The following PHIP variants were observed in gnomAD, a reference collection of about 807,000 sequenced individuals.
PHIP encodes PH-interacting protein.
Under a neutral mutation model 236.8 loss-of-function variants are expected in PHIP, and 54 were observed. The observed-to-expected ratio is 0.23, with a 90% CI of 0.18 to 0.29. PHIP has a LOEUF of 0.29. Ranked by LOEUF, PHIP falls within the 10% of genes least tolerant of loss-of-function variation. PHIP has a pLI of 1.00. For synonymous variants in PHIP, 756 were observed against 718.9 expected (o/e 1.05, Z -0.83); for missense variants, 1,370 against 2,190.8 (o/e 0.63, Z 7.48).
intron 24 of PHIP, among the ~76,000 whole-genome samples, chr6:78,974,804 T>G (rs1203698333): frequency 1.3e-5 from 2 of 150,544 alleles, no homozygotes; most frequent in Non-Finnish European, 3.0e-5. Context: ...ACACATACAC[T>G]CTCCCAAGAC....
intron 9 of PHIP, among the ~76,000 whole-genome samples, chr6:79,021,459 G>A (rs1562185541): frequency 6.6e-6 from 1 of 152,172 alleles, no homozygotes; most frequent in Non-Finnish European, 1.5e-5. Context: ...CAATAGTGAA[G>A]ATTTGGAAGG....
chr6:78,983,078 T>C lies in PHIP; in HGVS notation c.2577A>G (p.Ala859=). ...TCTTTGGTGGCTGCAGATTAATTCC[T>C]GCATCTGCTGTCCAGTCAGAGTAAT... ...SSDYSDWTAD[A]GINLQPPKKV... Residue 859 remains alanine (A), a synonymous_variant, in exon 23 of 40, where the codon GCA becomes GCG. Coordinates refer to ENST00000275034, the MANE Select transcript of PHIP (RefSeq NM_017934.7). The C allele has an allele frequency of 6.2e-7, 1 of 1,611,106 alleles. No homozygotes were observed. The highest frequency in any genetic ancestry group is 1.7e-5 in the Admixed American group (1 of 59,504).
At chr6:78,963,833 C>T (rs1472597653) in intron 29 of PHIP, among the ~76,000 whole-genome samples, 1 of 152,124 alleles carries the variant, frequency 6.6e-6, no homozygotes, top group African/African-American at 2.4e-5. Context: ...GGTAATTTTT[C>T]CTTTAGACTA....
At chr6:79,044,019 C>A (rs148879215) in intron 6 of PHIP, among the ~76,000 whole-genome samples, 17 of 152,000 alleles carry the variant, frequency 1.1e-4, no homozygotes, top group African/African-American at 2.2e-4. Context: ...TGAAGAATCT[C>A]AGTATTGCTT....
intron 6 of PHIP, among the ~76,000 whole-genome samples, chr6:79,059,625 A>ATATATATATATATATATATATATAT (rs1562216779): frequency 1.2e-4 from 7 of 58,188 alleles, no homozygotes; most frequent in Non-Finnish European, 2.4e-4. Flanking sequence ...ATATATATAT[A>ATATATATATATATATATATATATAT]AAAATGCCAA....
At chr6:78,972,753 C>G (rs377638341) in intron 24 of PHIP, among the ~76,000 whole-genome samples, 2 of 151,772 alleles carry the variant, frequency 1.3e-5, no homozygotes, top group Non-Finnish European at 2.9e-5. Context: ...GGAGCCGATG[C>G]GATGAACTGG....
intron 24 of PHIP, among the ~76,000 whole-genome samples, chr6:78,971,327 C>T (rs1767534006): frequency 6.6e-6 from 1 of 152,228 alleles, no homozygotes; most frequent in Non-Finnish European, 1.5e-5. Flanking sequence ...GCAGGGCATA[C>T]ATTTATCCAC....
At chr6:78,973,143 C>T (rs1246875941) in intron 24 of PHIP, among the ~76,000 whole-genome samples, 2 of 152,118 alleles carry the variant, frequency 1.3e-5, no homozygotes, top group East Asian at 1.9e-4. Flanking sequence ...TCGGGTTACG[C>T]TCAAAGGGAA....
At chr6:78,969,986 T>A in intron 26 of PHIP, 63 bp downstream of exon 26, 1 of 1,594,336 alleles carries the variant, frequency 6.3e-7, no homozygotes, top group South Asian at 1.1e-5. Flanking sequence ...TTCAAATGTA[T>A]CTGAATCTTG....
At position 79,009,171 on chromosome 6, in the gene PHIP, T is replaced by C. The variant is rs188411842; in HGVS notation, c.1525-5313A>G. Among the ~76,000 whole-genome samples the C allele has an allele frequency of 1.7e-4, 26 of 152,268 alleles. No individual in the cohort carries two copies. The East Asian group carries it at 4.1e-3, about 24-fold the overall frequency. ...ATAATTTACTAAAGCCCCCACAAGG[T>C]TCATAGGTATTTATGCCTATGAGAT... On this transcript the variant is annotated intron_variant, in intron 15 of 39. Coordinates refer to ENST00000275034, the MANE Select transcript of PHIP (RefSeq NM_017934.7).
chr6:79,037,710 A>G (rs1772010142), intron 7 of PHIP, among the ~76,000 whole-genome samples: 1 of 152,246 alleles, frequency 6.6e-6, no homozygotes. Context: ...AGTAGCAGAG[A>G]GGAACTTATC....
intron 6 of PHIP, among the ~76,000 whole-genome samples, chr6:79,050,696 G>T (rs190953576): frequency 6.6e-6 from 1 of 152,146 alleles, no homozygotes; most frequent in Admixed American, 6.5e-5. Context: ...TATCTAAAGA[G>T]ACTAGCTTAA....
intron 16 of PHIP, 123 bp from the exon 17 acceptor site, chr6:79,002,247 T>G: frequency 1.6e-6 from 1 of 607,860 alleles, no homozygotes; most frequent in South Asian, 2.2e-5. Flanking sequence ...TAAGCAACAA[T>G]TTTTAAAATA....
intron 18 of PHIP, 111 bp downstream of exon 18, chr6:78,998,143 A>G (rs1769747541): frequency 1.6e-5 from 12 of 741,044 alleles, no homozygotes; most frequent in Non-Finnish European, 2.2e-5. Context: ...TGGCAACCTA[A>G]TATTTCATTT....
chr6:78,980,024 T>C (rs1158272672), intron 23 of PHIP, among the ~76,000 whole-genome samples: 2 of 152,050 alleles, frequency 1.3e-5, no homozygotes, highest in African/African-American at 4.8e-5. Flanking sequence ...TGGAATTTAC[T>C]GTACGTGAGA....
chr6:78,943,274 T>C (rs961210329), intron 39 of PHIP, among the ~76,000 whole-genome samples: 2 of 152,202 alleles, frequency 1.3e-5, no homozygotes, highest in African/African-American at 4.8e-5. Context: ...ACACTGTTAA[T>C]GTTAACTAAT....
intron 39 of PHIP, among the ~76,000 whole-genome samples, chr6:78,942,207 G>A (rs1219445607): frequency 1.3e-5 from 2 of 152,226 alleles, no homozygotes; most frequent in Admixed American, 6.5e-5. Context: ...GGTTGGTCGG[G>A]TGCAGTGGCT....
chr6:78,951,326 T>C (rs892086224), intron 35 of PHIP, among the ~76,000 whole-genome samples: 2 of 152,202 alleles, frequency 1.3e-5, no homozygotes, highest in Non-Finnish European at 2.9e-5. Flanking sequence ...AATACAATTC[T>C]GTTGAATAAA....
chr6:79,030,815 G>C (rs1248886329), intron 7 of PHIP, among the ~76,000 whole-genome samples: 1 of 152,030 alleles, frequency 6.6e-6, no homozygotes, highest in Non-Finnish European at 1.5e-5. Flanking sequence ...AAATCCATGG[G>C]GTGGGTACAA....
Sources: gnomAD v4.1 joint callset for allele counts (sites outside exome capture counted in the v4.1 genomes callset) on GRCh38, gnomAD v4.1.1 for gene constraint, MANE v1.5 for transcripts, NCBI Gene and HGNC (gene_info 2026-07-23, HGNC 2026-07-21) for gene names.